The following GABRB2 variants were observed in gnomAD, a reference collection of about 807,000 sequenced individuals.
The protein encoded by GABRB2 is gamma-aminobutyric acid receptor subunit beta-2.
GABRB2 carries 16 observed loss-of-function variants against 54.7 expected under a neutral mutation model. The ratio of observed to expected loss-of-function variants is 0.29; its 90% CI spans 0.20 to 0.44. The LOEUF is 0.44. Among genes scored for constraint, GABRB2 ranks in the 20% least tolerant of loss-of-function variants. The pLI is 1.00. For missense variants in GABRB2, 355 were observed against 644.0 expected (o/e 0.55, Z 4.86); for synonymous variants, 244 against 233.8 (o/e 1.04, Z -0.40).
intron 4 of GABRB2, among the ~76,000 whole-genome samples, chr5:161,436,376 C>A (rs1388621825): frequency 6.6e-6 from 1 of 151,678 alleles, no homozygotes; most frequent in East Asian, 1.9e-4. Context: ...ACTAAAAATA[C>A]AAAAAAATTA....
At chr5:161,521,832 C>A (rs1016570867) in intron 3 of GABRB2, among the ~76,000 whole-genome samples, 4 of 151,818 alleles carry the variant, frequency 2.6e-5, no homozygotes, top group African/African-American at 9.7e-5. Flanking sequence ...TAAATCTCTG[C>A]CTCAACAAAG....
chr5:161,429,920 G>A (rs1467437126), intron 4 of GABRB2, among the ~76,000 whole-genome samples: 2 of 152,126 alleles, frequency 1.3e-5, no homozygotes, highest in Non-Finnish European at 2.9e-5. Context: ...ATTGTTACCT[G>A]TGGGAAAGAA....
At chr5:161,341,937 T>TATATATATATA (rs1754172106) in intron 5 of GABRB2, among the ~76,000 whole-genome samples, 2 of 75,706 alleles carry the variant, frequency 2.6e-5, no homozygotes, top group African/African-American at 9.1e-5. Context: ...ATTTTTTCTT[T>TATATATATATA]TATATATATA....
chr5:161,377,179 A>G (rs901350724), intron 5 of GABRB2, among the ~76,000 whole-genome samples: 2 of 152,158 alleles, frequency 1.3e-5, no homozygotes, highest in Admixed American at 1.3e-4. Context: ...ATATATGGGC[A>G]TAAACATCAC....
chr5:161,523,154 T>C (rs1018622004), intron 3 of GABRB2, among the ~76,000 whole-genome samples: 2 of 151,504 alleles, frequency 1.3e-5, no homozygotes, highest in Admixed American at 1.3e-4. Flanking sequence ...CCATATAACA[T>C]AGCTAGTAAG....
chr5:161,478,433 G>T (rs1009367699), intron 3 of GABRB2, among the ~76,000 whole-genome samples: 6 of 151,990 alleles, frequency 3.9e-5, no homozygotes, highest in African/African-American at 1.4e-4. Flanking sequence ...AATGATCTTT[G>T]AAATCTGTGC....
chr5:161,470,154 C>A (rs932086184), intron 3 of GABRB2, among the ~76,000 whole-genome samples: 1 of 151,582 alleles, frequency 6.6e-6, no homozygotes, highest in Non-Finnish European at 1.5e-5. Flanking sequence ...CCATGAGGAT[C>A]CTTCCACTTC....
chr5:161,327,082 G>T, intron 8 of GABRB2: 1 of 447,720 alleles, frequency 2.2e-6, no homozygotes, highest in Non-Finnish European at 2.9e-6. Context: ...ACACAAACTA[G>T]AAGAATGCAA....
At chr5:161,518,689 T>A (rs560114455) in intron 3 of GABRB2, among the ~76,000 whole-genome samples, 1 of 152,264 alleles carries the variant, frequency 6.6e-6, no homozygotes, top group African/African-American at 2.4e-5. Context: ...CTAAAAATAC[T>A]CACATCATGG....
chr5:161,535,240 T>C (rs1448190517), intron 3 of GABRB2, among the ~76,000 whole-genome samples: 2 of 152,156 alleles, frequency 1.3e-5, no homozygotes, highest in Non-Finnish European at 2.9e-5. Context: ...TAATATAAAA[T>C]ATAAGATTAT....
At chr5:161,447,489 C>T (rs1484980278) in intron 4 of GABRB2, among the ~76,000 whole-genome samples, 1 of 152,114 alleles carries the variant, frequency 6.6e-6, no homozygotes, top group Non-Finnish European at 1.5e-5. Flanking sequence ...GAATTAGTAT[C>T]TTTCTCTAGG....
At position 161,336,261 on chromosome 5, in the gene GABRB2, C is replaced by T. The variant is rs138659680; in HGVS notation, c.679+371G>A. On this transcript the variant is annotated intron_variant, in intron 6 of 9. Coordinates refer to ENST00000393959, the MANE Select transcript of GABRB2 (RefSeq NM_001371727.1). ...GATCAGACTTGAATGAACTGCAACT[C>T]GGGTCTCCCAATCATAATCATAATC... Among the ~76,000 whole-genome samples, 17 of 152,200 alleles carry T rather than the reference C, an allele frequency of 1.1e-4. No homozygotes were observed. In the East Asian group the frequency reaches 3.3e-3, roughly 29 times the overall value.
At chr5:161,468,748 C>T (rs911463374) in intron 3 of GABRB2, among the ~76,000 whole-genome samples, 5 of 151,894 alleles carry the variant, frequency 3.3e-5, no homozygotes, top group African/African-American at 1.2e-4. Flanking sequence ...CAATAAAAAA[C>T]CCCCCAAATT....
At chr5:161,537,009 C>T (rs761684787) in intron 3 of GABRB2, among the ~76,000 whole-genome samples, 4 of 151,984 alleles carry the variant, frequency 2.6e-5, no homozygotes, top group African/African-American at 9.7e-5. Context: ...TTCACCAGTG[C>T]GCTCCTGTTA....
intron 4 of GABRB2, among the ~76,000 whole-genome samples, chr5:161,443,872 C>A (rs1158065755): frequency 6.6e-6 from 1 of 152,114 alleles, no homozygotes; most frequent in Non-Finnish European, 1.5e-5. Context: ...TAAATTAACC[C>A]TTAATGAATC....
intron 3 of GABRB2, among the ~76,000 whole-genome samples, chr5:161,539,620 C>A (rs1760751217): frequency 6.6e-6 from 1 of 152,144 alleles, no homozygotes; most frequent in Non-Finnish European, 1.5e-5. Context: ...CCAACCCAAG[C>A]ACACTTAAGA....
At chr5:161,449,520 T>G (rs1239544398) in intron 4 of GABRB2, among the ~76,000 whole-genome samples, 4 of 152,136 alleles carry the variant, frequency 2.6e-5, no homozygotes, top group African/African-American at 9.6e-5. Context: ...TTTACCGATT[T>G]CATGAAATCA....
intron 3 of GABRB2, among the ~76,000 whole-genome samples, chr5:161,537,542 A>C (rs1201935074): frequency 6.6e-6 from 1 of 152,180 alleles, no homozygotes; most frequent in Non-Finnish European, 1.5e-5. Context: ...AAGTCCTGTC[A>C]CTTTCATCTT....
intron 5 of GABRB2, among the ~76,000 whole-genome samples, chr5:161,378,216 G>GATAAT (rs1364099322): frequency 6.6e-6 from 1 of 152,044 alleles, no homozygotes; most frequent in African/African-American, 2.4e-5. Context: ...AAATTGGAAG[G>GATAAT]ATAATCATAG....
Sources: gnomAD v4.1 joint callset for allele counts (sites outside exome capture counted in the v4.1 genomes callset) on GRCh38, gnomAD v4.1.1 for gene constraint, MANE v1.5 for transcripts, NCBI Gene and HGNC (gene_info 2026-07-23, HGNC 2026-07-21) for gene names.